Variants in RANBP17 observed in about 807,000 individuals in gnomAD.
RANBP17 encodes the protein ran-binding protein 17.
A neutral mutation model predicts 141.2 loss-of-function variants in RANBP17; 158 were observed. The observed-to-expected ratio is 1.12, with a 90% CI of 0.98 to 1.28. The LOEUF (loss-of-function observed/expected upper bound fraction) is 1.28. Among genes scored for constraint, RANBP17 ranks in the 50% most tolerant of loss-of-function variants. RANBP17 has a pLI of 0.00. For synonymous variants in RANBP17, 430 were observed against 450.0 expected, an observed-to-expected ratio of 0.96 and a Z score of 0.56; for missense variants, 1,438 against 1,290.7, an observed-to-expected ratio of 1.11 and a Z score of -1.75.
At chr5:171,076,551 A>G (rs183337886) in intron 14 of RANBP17, among the ~76,000 whole-genome samples, 12 of 152,340 alleles carry the variant, frequency 7.9e-5, no homozygotes, top group Admixed American at 7.2e-4. Flanking sequence ...GTCTGATTCA[A>G]GATCTATGGC....
intron 1 of RANBP17, chr5:170,863,793 G>A (rs1767015263): frequency 6.6e-6 from 1 of 152,166 alleles, no homozygotes; most frequent in African/African-American, 2.4e-5. Context: ...GGAAAAGTTA[G>A]CTGCTGATGT....
intron 11 of RANBP17, among the ~76,000 whole-genome samples, chr5:170,921,185 T>C (rs1302111311): frequency 6.6e-6 from 1 of 152,198 alleles, no homozygotes; most frequent in Non-Finnish European, 1.5e-5. Context: ...TCCTGAATGG[T>C]ATTGACTAGG....
intron 12 of RANBP17, among the ~76,000 whole-genome samples, chr5:170,944,335 C>T (rs530438527): frequency 2.0e-5 from 3 of 152,182 alleles, no homozygotes; most frequent in African/African-American, 7.2e-5. Flanking sequence ...GGTGCGATCT[C>T]GGCTCACTGC....
At chr5:170,908,321 T>C (rs1184850063) in intron 5 of RANBP17, among the ~76,000 whole-genome samples, 2 of 151,940 alleles carry the variant, frequency 1.3e-5, no homozygotes, top group Non-Finnish European at 2.9e-5. Flanking sequence ...TACCACAGAA[T>C]ATTATGCAGC....
At chr5:171,165,246 A>G (rs1487091117) in intron 14 of RANBP17, among the ~76,000 whole-genome samples, 1 of 152,138 alleles carries the variant, frequency 6.6e-6, no homozygotes, top group African/African-American at 2.4e-5. Context: ...CAATGGCACA[A>G]TCTTGGCTCA....
chr5:171,136,682 C>A (rs1757312266), intron 14 of RANBP17, among the ~76,000 whole-genome samples: 1 of 152,096 alleles, frequency 6.6e-6, no homozygotes, highest in African/African-American at 2.4e-5. Context: ...ACTGGAGCCT[C>A]TTTAAATGTT....
chr5:170,998,569 C>T (rs1778991472), intron 14 of RANBP17, among the ~76,000 whole-genome samples: 1 of 152,016 alleles, frequency 6.6e-6, no homozygotes, highest in African/African-American at 2.4e-5. Context: ...ATCGTTAAGC[C>T]CTTCTCATTA....
At chr5:170,865,065 G>A (rs1179220919) in intron 1 of RANBP17, among the ~76,000 whole-genome samples, 3 of 152,032 alleles carry the variant, frequency 2.0e-5, no homozygotes. Flanking sequence ...TGTTGTTGTT[G>A]TTGTTGTCGT....
At chr5:171,034,482 T>C (rs534510860) in intron 14 of RANBP17, among the ~76,000 whole-genome samples, 3 of 152,354 alleles carry the variant, frequency 2.0e-5, no homozygotes, top group Admixed American at 6.5e-5. Flanking sequence ...GAGGGGACTA[T>C]GCCTAAATGA....
At chr5:170,877,566 A>G (rs1768292184) in intron 1 of RANBP17, among the ~76,000 whole-genome samples, 1 of 152,162 alleles carries the variant, frequency 6.6e-6, no homozygotes, top group Non-Finnish European at 1.5e-5. Flanking sequence ...CCGGCCTTAA[A>G]TTCTTAAAAT....
intron 3 of RANBP17, among the ~76,000 whole-genome samples, chr5:170,884,004 G>A (rs1768944496): frequency 6.6e-6 from 1 of 152,156 alleles, no homozygotes; most frequent in Non-Finnish European, 1.5e-5. Flanking sequence ...TTAAGAGTGT[G>A]TTCAGTTTTG....
At position 171,129,725 on chromosome 5, in the gene RANBP17, C is replaced by CT. The variant is rs1756764005; in HGVS notation, c.1711-40404dup. Among the ~76,000 whole-genome samples the CT allele has an allele frequency of 2.6e-5, 4 of 152,156 alleles. No individual in the cohort carries two copies. In the South Asian group the frequency reaches 8.3e-4, roughly 32 times the overall value. On this transcript the variant is annotated intron_variant, in intron 14 of 27. Transcript: ENST00000523189. ...TAGAGAATTTTCTCTTCATGACAATCTAAGAAATCACAGTCACACCTTACC... is the reference window on the plus strand; with the variant it reads ...TAGAGAATTTTCTCTTCATGACAATCTTAAGAAATCACAGTCACACCTTACC...
At chr5:171,115,828 A>G (rs1561670247) in intron 14 of RANBP17, among the ~76,000 whole-genome samples, 2 of 152,214 alleles carry the variant, frequency 1.3e-5, no homozygotes, top group Non-Finnish European at 2.9e-5. Context: ...CAAAATTTTT[A>G]CTACTAAAAG....
At chr5:171,271,807 G>T (rs568728893) in intron 25 of RANBP17, among the ~76,000 whole-genome samples, 2 of 152,288 alleles carry the variant, frequency 1.3e-5, no homozygotes, top group South Asian at 4.1e-4. Context: ...TTTCATAACA[G>T]AATTTTTGCA....
Position 171,241,052 on chromosome 5 carries a change from C to G in RANBP17, c.2547C>G (p.Gly849=). The G allele has an allele frequency of 6.2e-7, 1 of 1,613,824 alleles. No homozygotes were observed. Among genetic ancestry groups the G allele is most frequent in the Non-Finnish European group, 8.5e-7 (1 of 1,179,870 alleles). ...TGTGTGGAAATTATGTCAGCTTTGG[C>G]GTCTTCAAGTTGTATGGGGACAACC... is the stretch of plus-strand genomic sequence containing the variant. ...SALCGNYVSF[G]VFKLYGDNHF... is the part of the protein sequence containing the mutation. Residue 849 remains glycine, a synonymous_variant, in exon 23 of 28, where the codon GGC becomes GGG. Transcript: ENST00000523189.
At position 171,093,700 on chromosome 5, in the gene RANBP17, C is replaced by A. The variant is rs376301778; in HGVS notation, c.1711-76430C>A. On this transcript the variant is annotated intron_variant, in intron 14 of 27. Coordinates refer to ENST00000523189, the MANE Select transcript of RANBP17 (RefSeq NM_022897.5). ...GTTTTATGCAGTCTGGCAAAGTAAT[C>A]AGATTAAGTATGTATGTATCACACA... is the stretch of plus-strand genomic sequence containing the variant. Among the ~76,000 whole-genome samples the A allele has an allele frequency of 2.1e-4, 32 of 152,304 alleles. 1 individual carries two copies. In the South Asian group the frequency reaches 6.4e-3, roughly 31 times the overall value.
chr5:171,152,605 C>T (rs1262476909), intron 14 of RANBP17, among the ~76,000 whole-genome samples: 1 of 152,078 alleles, frequency 6.6e-6, no homozygotes, highest in Non-Finnish European at 1.5e-5. Context: ...TAATCTAGCT[C>T]CATCTACTGT....
rs185342872 is a variant in RANBP17 at position 171,067,756 on chromosome 5, A to G, written c.1710+99379A>G. ...GTTTTCTGATGAGAAACCTGCTGTT[A>G]GTCTTATTGAGAATCTTTGTATGTG... On this transcript the variant is annotated intron_variant, in intron 14 of 27. Transcript: ENST00000523189. 2.4e-4 allele frequency among the ~76,000 whole-genome samples: 36 copies of G among 152,188 alleles called. 1 individual carries two copies. The East Asian group carries it at 4.6e-3, about 20-fold the overall frequency.
chr5:170,907,315 CA>C (rs11358240), intron 5 of RANBP17, among the ~76,000 whole-genome samples: 91,050 of 151,670 alleles, frequency 0.6, 29,085 homozygotes, highest in South Asian at 0.88. Flanking sequence ...TCCTTCGTCT[CA>C]AAATATTGGA....
Sources: gnomAD v4.1 joint callset for allele counts (sites outside exome capture counted in the v4.1 genomes callset) on GRCh38, gnomAD v4.1.1 for gene constraint, MANE v1.5 for transcripts, NCBI Gene and HGNC (gene_info 2026-07-23, HGNC 2026-07-21) for gene names.